The following CSMD3 variants were observed in gnomAD, a reference collection of about 807,000 sequenced individuals.
The protein encoded by CSMD3 is CUB and Sushi multiple domains 3.
In CSMD3, 177 loss-of-function variants were observed where a neutral mutation model predicts 435.2. The ratio of observed to expected loss-of-function variants is 0.41; its 90% CI spans 0.36 to 0.46. CSMD3 has a LOEUF of 0.46. Among genes scored for constraint, CSMD3 ranks in the 20% least tolerant of loss-of-function variants. The pLI, the probability that CSMD3 is intolerant of heterozygous loss-of-function variation, is 0.34. For synonymous variants in CSMD3, 1,656 were observed against 1,520.5 expected, an observed-to-expected ratio of 1.09 and a Z score of -2.07; for missense variants, 4,265 against 4,504.6, an observed-to-expected ratio of 0.95 and a Z score of 1.52.
intron 3 of CSMD3, among the ~76,000 whole-genome samples, chr8:113,180,095 T>C (rs1401249655): frequency 1.3e-5 from 2 of 151,956 alleles, no homozygotes; most frequent in African/African-American, 4.8e-5. Context: ...TGCAAAATTA[T>C]ATCTACTAAG....
At position 112,304,722 on chromosome 8, in the gene CSMD3, T is replaced by C; in HGVS notation, c.8265A>G (p.Gln2755=). The C allele has an allele frequency of 6.2e-7, 1 of 1,610,590 alleles. No homozygotes were observed. Among genetic ancestry groups the C allele is most frequent in the South Asian group, 1.1e-5 (1 of 91,012 alleles). ...WSWRNERPYC[Q]IISCGELPTP... ...AAGTTTAGCAGAGTGTATACTTACTTTGGCAATATGGTCTTTCATTTCTCC... is the reference window on the plus strand; with the variant it reads ...AAGTTTAGCAGAGTGTATACTTACTCTGGCAATATGGTCTTTCATTTCTCC... Residue 2755 remains glutamine (Q), a splice_region_variant and synonymous_variant, in exon 52 of 71, where the codon CAA becomes CAG. Coordinates refer to ENST00000297405, the MANE Select transcript of CSMD3 (RefSeq NM_198123.2).
At chr8:113,356,402 A>C (rs2132950348) in intron 1 of CSMD3, among the ~76,000 whole-genome samples, 1 of 152,280 alleles carries the variant, frequency 6.6e-6, no homozygotes, top group Non-Finnish European at 1.5e-5. Context: ...TTAGTGAAGA[A>C]AAAATTGGTC....
chr8:113,167,526 C>T (rs962194827), intron 4 of CSMD3, among the ~76,000 whole-genome samples: 2 of 152,146 alleles, frequency 1.3e-5, no homozygotes, highest in Non-Finnish European at 2.9e-5. Context: ...ACAGTCTAAT[C>T]AGGACATGTA....
At chr8:112,548,868 C>A (rs1758759099) in intron 27 of CSMD3, among the ~76,000 whole-genome samples, 1 of 151,950 alleles carries the variant, frequency 6.6e-6, no homozygotes, top group African/African-American at 2.4e-5. Context: ...TTAAAAAAAA[C>A]TTATGAAGGC....
intron 2 of CSMD3, among the ~76,000 whole-genome samples, chr8:113,284,567 C>T (rs1398269125): frequency 2.6e-5 from 4 of 151,958 alleles, no homozygotes; most frequent in African/African-American, 9.7e-5. Flanking sequence ...CTAGGAACAA[C>T]AATATAGTTC....
At chr8:112,507,594 C>T (rs1051843143) in intron 28 of CSMD3, among the ~76,000 whole-genome samples, 1 of 152,196 alleles carries the variant, frequency 6.6e-6, no homozygotes, top group African/African-American at 2.4e-5. Context: ...AGTACATCGG[C>T]ATTCTTCTCT....
chr8:112,586,550 A>T (rs936281095), intron 23 of CSMD3, among the ~76,000 whole-genome samples: 3 of 151,428 alleles, frequency 2.0e-5, no homozygotes, highest in South Asian at 4.2e-4. Context: ...ATTTTTTCTT[A>T]ATTGATAGAC....
At chr8:112,392,548 CA>C in intron 35 of CSMD3, among the ~76,000 whole-genome samples, 1 of 151,164 alleles carries the variant, frequency 6.6e-6, no homozygotes, top group South Asian at 2.1e-4. Context: ...AATATTCACC[CA>C]AAAAATAGAA....
At chr8:112,418,677 T>G in intron 32 of CSMD3, among the ~76,000 whole-genome samples, 1 of 152,280 alleles carries the variant, frequency 6.6e-6, no homozygotes, top group African/African-American at 2.4e-5. Context: ...TAAAAATCAG[T>G]ACCAAATCAA....
intron 1 of CSMD3, among the ~76,000 whole-genome samples, chr8:113,379,439 C>T (rs2133097798): frequency 6.6e-6 from 1 of 152,116 alleles, no homozygotes. Flanking sequence ...AGGAAGAAGG[C>T]AATAAAAATG....
chr8:112,980,850 A>G (rs1175800736), intron 6 of CSMD3, among the ~76,000 whole-genome samples: 1 of 151,542 alleles, frequency 6.6e-6, no homozygotes, highest in Non-Finnish European at 1.5e-5. Flanking sequence ...AAATCTGGCT[A>G]CCATAGTATT....
intron 13 of CSMD3, among the ~76,000 whole-genome samples, chr8:112,784,338 C>T (rs886735632): frequency 7.9e-5 from 12 of 151,466 alleles, no homozygotes; most frequent in Admixed American, 7.9e-4. Flanking sequence ...AGTAAAAAAA[C>T]TTCAAATAAA....
chr8:112,231,346 T>C (rs1813069335), intron 69 of CSMD3, among the ~76,000 whole-genome samples, 199 bp downstream of exon 69: 1 of 152,224 alleles, frequency 6.6e-6, no homozygotes, highest in Non-Finnish European at 1.5e-5. Context: ...CTAAACACTG[T>C]ACAGAGTTGG....
At chr8:112,813,736 G>A (rs2079292082) in intron 12 of CSMD3, among the ~76,000 whole-genome samples, 1 of 152,144 alleles carries the variant, frequency 6.6e-6, no homozygotes, top group Admixed American at 6.6e-5. Context: ...GAGTTTCACA[G>A]TTTCTGAGCC....
At chr8:112,262,948 C>T (rs746343594) in intron 61 of CSMD3, among the ~76,000 whole-genome samples, 4 of 152,062 alleles carry the variant, frequency 2.6e-5, no homozygotes, top group Admixed American at 6.6e-5. Context: ...CCTCCTCTAT[C>T]CCATGCTGGG....
chr8:112,609,201 C>CAAAAAAAAAAAAAAAAAAAAA (rs71566035), intron 22 of CSMD3, among the ~76,000 whole-genome samples: 10 of 43,092 alleles, frequency 2.3e-4, no homozygotes, highest in East Asian at 6.4e-4. Flanking sequence ...GATACTGCCT[C>CAAAAAAAAAAAAAAAAAAAAA]AAAAAAAAAA....
At chr8:112,899,808 C>CATATAT (rs35343113) in intron 10 of CSMD3, among the ~76,000 whole-genome samples, 37 of 143,862 alleles carry the variant, frequency 2.6e-4, no homozygotes, top group Non-Finnish European at 4.0e-4. Context: ...CAACCAGTGT[C>CATATAT]ATATATATAT....
chr8:112,720,310 C>T (rs1381199441), intron 13 of CSMD3, among the ~76,000 whole-genome samples: 3 of 69,306 alleles, frequency 4.3e-5, no homozygotes, highest in Non-Finnish European at 7.9e-5. Context: ...AAATTTTTTT[C>T]TTTTCTTTTC....
At chr8:112,326,557 C>A (rs16883437) in intron 45 of CSMD3, among the ~76,000 whole-genome samples, 1 of 151,982 alleles carries the variant, frequency 6.6e-6, no homozygotes, top group African/African-American at 2.4e-5. Flanking sequence ...GGGTACATTC[C>A]GCTTGACAAA....
Sources: allele counts gnomAD v4.1 joint callset (sites outside exome capture counted in the v4.1 genomes callset), GRCh38; gene constraint gnomAD v4.1.1; transcripts MANE v1.5; gene names NCBI Gene and HGNC (gene_info 2026-07-23, HGNC 2026-07-21).